AGBL4: variants seen among roughly 807,000 people sequenced by gnomAD.
The protein encoded by AGBL4 is cytosolic carboxypeptidase 6.
AGBL4 carries 58 observed loss-of-function variants against 66.4 expected under a neutral mutation model. The observed-to-expected ratio is 0.87, with a 90% confidence interval of 0.71 to 1.09. AGBL4 has a LOEUF of 1.09. AGBL4 is among the 50% of genes least tolerant of loss of function. The pLI, the probability that AGBL4 is intolerant of heterozygous loss-of-function variation, is 0.00. For missense variants in AGBL4, 579 were observed against 631.0 expected (o/e 0.92, Z 0.88); for synonymous variants, 234 against 222.9 (o/e 1.05, Z -0.44).
chr1:49,583,092 G>A (rs761488436), intron 3 of AGBL4, among the ~76,000 whole-genome samples: 34 of 152,208 alleles, frequency 2.2e-4, no homozygotes, highest in South Asian at 4.1e-4. Flanking sequence ...CCTGGCCCTG[G>A]TTTCTGACCC....
chr1:48,708,380 G>C (rs2148514546), intron 6 of AGBL4, among the ~76,000 whole-genome samples: 1 of 152,262 alleles, frequency 6.6e-6, no homozygotes, highest in East Asian at 1.9e-4. Flanking sequence ...GTGAATGAGA[G>C]GAGCCGTTGG....
rs1645615410 is a variant in AGBL4, at chr1:49,424,531, TAACATTTG to T, written c.283-178675_283-178668del. Reference sequence around the variant, plus strand: ...GTAAATAATTATGCACACAACAGACTAACATTTGAAATTAAGGGTACTTATTTTAATTG... The same window carrying T: ...GTAAATAATTATGCACACAACAGACTAAATTAAGGGTACTTATTTTAATTG... On this transcript the variant is annotated intron_variant, in intron 3 of 13. Transcript: ENST00000371839. 3.3e-5 allele frequency among the ~76,000 whole-genome samples: 5 copies of T among 152,294 alleles called. No homozygotes were observed. In the South Asian group the frequency reaches 1.0e-3, roughly 32 times the overall value.
intron 4 of AGBL4, among the ~76,000 whole-genome samples, chr1:49,179,118 C>T (rs1468236789): frequency 6.6e-6 from 1 of 152,064 alleles, no homozygotes; most frequent in Non-Finnish European, 1.5e-5. Context: ...ACTGGGAAAC[C>T]ATTAAAGCAT....
intron 2 of AGBL4, among the ~76,000 whole-genome samples, chr1:49,724,818 G>A (rs899893699): frequency 6.6e-6 from 1 of 152,122 alleles, no homozygotes; most frequent in Non-Finnish European, 1.5e-5. Context: ...GACGTGGCAA[G>A]AAGAAGGTCA....
At chr1:49,336,378 T>G (rs1322490468) in intron 3 of AGBL4, among the ~76,000 whole-genome samples, 2 of 152,234 alleles carry the variant, frequency 1.3e-5, no homozygotes, top group African/African-American at 4.8e-5. Flanking sequence ...CTACCCACAC[T>G]GGGTAGAGCA....
intron 6 of AGBL4, among the ~76,000 whole-genome samples, chr1:48,727,163 C>T (rs990688370): frequency 7.9e-5 from 12 of 152,100 alleles, no homozygotes; most frequent in African/African-American, 7.2e-5. Flanking sequence ...ATGAAAGAAC[C>T]GATACCAGGT....
At chr1:49,677,172 C>A (rs1164973762) in intron 3 of AGBL4, among the ~76,000 whole-genome samples, 1 of 152,076 alleles carries the variant, frequency 6.6e-6, no homozygotes, top group African/African-American at 2.4e-5. Flanking sequence ...CTCTCTCTCT[C>A]TCTTGCAACT....
intron 1 of AGBL4, chr1:49,995,277 G>A (rs1196866251): frequency 1.8e-5 from 8 of 454,838 alleles, no homozygotes; most frequent in Admixed American, 4.7e-5. Context: ...CCTGCTCACC[G>A]GCTGCCTGGA....
chr1:49,288,851 A>G (rs1644479245), intron 3 of AGBL4, among the ~76,000 whole-genome samples: 1 of 152,212 alleles, frequency 6.6e-6, no homozygotes, highest in African/African-American at 2.4e-5. Flanking sequence ...CTGGATAAAC[A>G]TGATCTTCTC....
At chr1:49,643,829 G>T (rs1450749589) in intron 3 of AGBL4, among the ~76,000 whole-genome samples, 1 of 151,570 alleles carries the variant, frequency 6.6e-6, no homozygotes, top group African/African-American at 2.4e-5. Context: ...AATGTAAAAA[G>T]AAGTTATTCA....
intron 3 of AGBL4, among the ~76,000 whole-genome samples, chr1:49,490,452 T>G (rs765724062): frequency 6.6e-5 from 10 of 151,742 alleles, no homozygotes; most frequent in African/African-American, 9.7e-5. Context: ...TTAAGTTGGA[T>G]TTTTCATCAA....
intron 1 of AGBL4, among the ~76,000 whole-genome samples, chr1:49,937,450 G>C (rs1333750216): frequency 6.6e-6 from 1 of 151,906 alleles, no homozygotes; most frequent in Non-Finnish European, 1.5e-5. Flanking sequence ...AAGTTAACAA[G>C]GATACCCAGG....
chr1:48,712,201 C>T (rs1297497436), intron 6 of AGBL4, among the ~76,000 whole-genome samples: 1 of 152,216 alleles, frequency 6.6e-6, no homozygotes, highest in Non-Finnish European at 1.5e-5. Flanking sequence ...GCTTTCCACA[C>T]ATATCCCTTC....
intron 2 of AGBL4, among the ~76,000 whole-genome samples, chr1:49,708,866 T>G (rs1195561131): frequency 6.6e-6 from 1 of 152,172 alleles, no homozygotes; most frequent in Non-Finnish European, 1.5e-5. Context: ...GCTGTTTGCC[T>G]GGGTATCACC....
intron 4 of AGBL4, among the ~76,000 whole-genome samples, chr1:49,050,198 A>G (rs1644180021): frequency 6.6e-6 from 1 of 152,136 alleles, no homozygotes; most frequent in South Asian, 2.1e-4. Flanking sequence ...GGACATCCAC[A>G]TGAATGAGGG....
At chr1:49,279,629 G>T (rs1644237319) in intron 3 of AGBL4, among the ~76,000 whole-genome samples, 1 of 151,790 alleles carries the variant, frequency 6.6e-6, no homozygotes, top group Non-Finnish European at 1.5e-5. Flanking sequence ...GCTGTCTCTG[G>T]TCTTCAATTT....
chr1:49,791,394 T>G (rs1644595942), intron 2 of AGBL4, among the ~76,000 whole-genome samples: 2 of 152,066 alleles, frequency 1.3e-5, no homozygotes, highest in African/African-American at 4.8e-5. Context: ...TGTAGTTCAA[T>G]TCTAATAGCC....
At chr1:49,578,029 G>C (rs1038124713) in intron 3 of AGBL4, among the ~76,000 whole-genome samples, 2 of 152,158 alleles carry the variant, frequency 1.3e-5, no homozygotes, top group Non-Finnish European at 2.9e-5. Flanking sequence ...GTGACCTTAT[G>C]TTCTGCTGGC....
chr1:49,042,866 CT>C (rs1274122212), intron 5 of AGBL4, among the ~76,000 whole-genome samples: 3 of 152,118 alleles, frequency 2.0e-5, no homozygotes, highest in Admixed American at 1.3e-4. Flanking sequence ...TTGTTTTCAG[CT>C]CTTCACACTG....
Sources: gnomAD v4.1 joint callset for allele counts (sites outside exome capture counted in the v4.1 genomes callset) on GRCh38, gnomAD v4.1.1 for gene constraint, MANE v1.5 for transcripts, NCBI Gene and HGNC (gene_info 2026-07-23, HGNC 2026-07-21) for gene names.